The following DPF3 variants were observed in gnomAD, a reference collection of about 807,000 sequenced individuals.
DPF3 encodes the protein zinc finger protein DPF3.
In DPF3, 18 loss-of-function variants were observed where a neutral mutation model predicts 56.8. The ratio of observed to expected loss-of-function variants is 0.32; its 90% CI spans 0.22 to 0.47. The LOEUF is 0.47. Ranked by LOEUF, DPF3 falls within the 20% of genes least tolerant of loss-of-function variation. DPF3 has a pLI of 1.00. For missense variants in DPF3, 403 were observed against 488.8 expected, an observed-to-expected ratio of 0.82 and a Z score of 1.65; for synonymous variants, 188 against 180.2, an observed-to-expected ratio of 1.04 and a Z score of -0.35.
At chr14:72,621,114 C>G (rs1420067531) in intron 9 of DPF3, among the ~76,000 whole-genome samples, 1 of 149,568 alleles carries the variant, frequency 6.7e-6, no homozygotes, top group Non-Finnish European at 1.5e-5. Context: ...GCACTCCAGC[C>G]TGGGCAACTG....
intron 1 of DPF3, among the ~76,000 whole-genome samples, chr14:72,848,279 T>G (rs968488231): frequency 6.6e-6 from 1 of 152,144 alleles, no homozygotes; most frequent in African/African-American, 2.4e-5. Flanking sequence ...TTCTCCTGCC[T>G]CAGCTTCCCA....
chr14:72,633,494 A>C (rs1043544633), intron 8 of DPF3, among the ~76,000 whole-genome samples: 5 of 152,104 alleles, frequency 3.3e-5, no homozygotes, highest in African/African-American at 1.2e-4. Context: ...AAAGAGAGAA[A>C]CATGGCAAGA....
intron 8 of DPF3, chr14:72,661,572 G>A (rs376106056): frequency 1.0e-6 from 1 of 985,492 alleles, no homozygotes; most frequent in African/African-American, 1.7e-5. Context: ...CCTTTGCTGG[G>A]CCACAGACAC....
intron 10 of DPF3, 35 bp from the exon 11 acceptor site, chr14:72,619,402 T>G (rs1335269484): frequency 6.5e-7 from 1 of 1,530,244 alleles, no homozygotes; most frequent in Non-Finnish European, 8.8e-7. Context: ...TAGCAGCCCC[T>G]CTGCTAACTC....
chr14:72,743,859 A>G (rs1318398537), intron 3 of DPF3, among the ~76,000 whole-genome samples: 1 of 152,248 alleles, frequency 6.6e-6, no homozygotes, highest in South Asian at 2.1e-4. Flanking sequence ...TGATGTCTAC[A>G]TCATGAAACA....
chr14:72,827,488 C>CTTTT (rs1182260007), intron 1 of DPF3, among the ~76,000 whole-genome samples: 13 of 78,314 alleles, frequency 1.7e-4, no homozygotes, highest in African/African-American at 4.3e-4. Context: ...TCCCTTTACT[C>CTTTT]TTTTTTTTTT....
chr14:72,760,518 G>T (rs575231174), intron 2 of DPF3, among the ~76,000 whole-genome samples: 59 of 152,296 alleles, frequency 3.9e-4, no homozygotes, highest in African/African-American at 1.2e-3. Flanking sequence ...CATACGCACA[G>T]ATTTCAGTAA....
At chr14:72,717,193 C>A (rs1334155238) in intron 5 of DPF3, among the ~76,000 whole-genome samples, 1 of 152,238 alleles carries the variant, frequency 6.6e-6, no homozygotes, top group Non-Finnish European at 1.5e-5. Flanking sequence ...AACCTCCACT[C>A]CTCCAAGAAT....
chr14:72,661,838 G>A (rs1886224799), intron 8 of DPF3: 5 of 947,662 alleles, frequency 5.3e-6, no homozygotes, highest in Non-Finnish European at 6.2e-6. Context: ...CACCTCAGCT[G>A]ATGCTTTTAT....
intron 1 of DPF3, among the ~76,000 whole-genome samples, chr14:72,812,940 TG>T (rs1883122943): frequency 6.6e-6 from 1 of 151,906 alleles, no homozygotes; most frequent in Non-Finnish European, 1.5e-5. Flanking sequence ...GGGATAGGAA[TG>T]GGGTTGGGGG....
intron 9 of DPF3, among the ~76,000 whole-genome samples, chr14:72,626,697 A>G (rs1884851873): frequency 6.6e-6 from 1 of 152,178 alleles, no homozygotes; most frequent in Admixed American, 6.5e-5. Flanking sequence ...AGATTCCTGT[A>G]GGTGAGAATG....
intron 1 of DPF3, among the ~76,000 whole-genome samples, chr14:72,885,358 C>T (rs544080952): frequency 2.9e-5 from 4 of 139,496 alleles, no homozygotes; most frequent in East Asian, 4.3e-4. Context: ...AATGTAGCCG[C>T]TAATTTTTTG....
At position 72,635,899 on chromosome 14, in the gene DPF3, C is replaced by T. The variant is rs191496414; in HGVS notation, c.872-6163G>A. Among the ~76,000 whole-genome samples the T allele has an allele frequency of 2.6e-5, 4 of 152,258 alleles. No individual in the cohort carries two copies. In the East Asian group the frequency reaches 5.8e-4, roughly 22 times the overall value. On this transcript the variant is annotated intron_variant, in intron 8 of 10. Coordinates refer to ENST00000556509, the MANE Select transcript of DPF3 (RefSeq NM_001280542.3). Reference sequence around the variant, plus strand: ...TATCTTCCTAGGTATGCATTGAAAACATAAATAAAACAAATATAAATAACT... The same window carrying T: ...TATCTTCCTAGGTATGCATTGAAAATATAAATAAAACAAATATAAATAACT...
At position 72,662,030 on chromosome 14, in the gene DPF3, G is replaced by C. The variant is rs1268514226; in HGVS notation, c.871+12210C>G. On this transcript the variant is annotated intron_variant, in intron 8 of 10. Coordinates refer to ENST00000556509, the MANE Select transcript of DPF3 (RefSeq NM_001280542.3). The stretch of plus-strand genomic sequence containing the variant: ...TCTGACATTCAGATAAAAGGGGCTT[G>C]CCTGGGGTGAGGGGGCAATGAGGGT... The C allele has an allele frequency of 7.1e-6, 7 of 984,988 alleles. No homozygotes were observed. The Admixed American group carries it at 3.7e-4, about 52-fold the overall frequency. 61.0% of individuals were successfully genotyped at this position (984,988 alleles called of 1,614,324 possible). A position where few individuals can be genotyped will look rare whatever the true frequency, so the allele number is the denominator to read the frequency against.
chr14:72,714,741 G>A (rs995301379), intron 5 of DPF3, among the ~76,000 whole-genome samples: 9 of 152,088 alleles, frequency 5.9e-5, no homozygotes, highest in Non-Finnish European at 1.2e-4. Flanking sequence ...GTTTCTACTA[G>A]GGTCCCCATT....
intron 3 of DPF3, among the ~76,000 whole-genome samples, chr14:72,748,771 G>C (rs1437828684): frequency 2.6e-5 from 4 of 152,244 alleles, no homozygotes; most frequent in African/African-American, 9.6e-5. Context: ...TGTGGCTTCA[G>C]AGGGTGCAAG....
chr14:72,852,151 A>G (rs1002827655), intron 1 of DPF3, among the ~76,000 whole-genome samples: 8 of 152,256 alleles, frequency 5.3e-5, no homozygotes, highest in Non-Finnish European at 8.8e-5. Context: ...TTGCAGGAGA[A>G]GAATGAACCT....
In DPF3 at chr14:72,802,271, T is replaced by C. The variant is rs1157511442; in HGVS notation, c.33-30378A>G. Among the ~76,000 whole-genome samples, 2 of 152,198 alleles carry C rather than the reference T, an allele frequency of 1.3e-5. 1 individual carries two copies. Among genetic ancestry groups the C allele is most frequent in the Middle Eastern group, 6.3e-3 (2 of 316 alleles). On this transcript the variant is annotated intron_variant, in intron 1 of 10. Transcript: ENST00000556509. ...CAGCGAGTGCAGAGTCATGGCGAAC[T>C]GTACACAACCTGGAGTCAGGAGACC...
intron 1 of DPF3, among the ~76,000 whole-genome samples, chr14:72,817,595 A>C (rs991884318): frequency 1.4e-4 from 21 of 152,204 alleles, no homozygotes; most frequent in Admixed American, 9.8e-4. Context: ...AATTGCTTGA[A>C]CCCACCCAGC....
Sources: allele counts gnomAD v4.1 joint callset (sites outside exome capture counted in the v4.1 genomes callset), GRCh38; gene constraint gnomAD v4.1.1; transcripts MANE v1.5; gene names NCBI Gene and HGNC (gene_info 2026-07-23, HGNC 2026-07-21).